GXYLT1: variants seen among roughly 807,000 people sequenced by gnomAD.
GXYLT1 encodes the protein glycosyltransferase 8 domain containing 3.
In GXYLT1, 29 loss-of-function variants were observed where a neutral mutation model predicts 54.0. That is an observed-to-expected ratio of 0.54 (90% confidence interval 0.40 to 0.73). GXYLT1 has a LOEUF of 0.73. GXYLT1 is among the 30% of genes least tolerant of loss of function. The pLI is 0.00. For missense variants in GXYLT1, 490 were observed against 553.4 expected (o/e 0.89, Z 1.15); for synonymous variants, 176 against 204.1 (o/e 0.86, Z 1.17).
chr12:42,123,801 G>C (rs1029630625), intron 2 of GXYLT1, among the ~76,000 whole-genome samples: 1 of 151,618 alleles, frequency 6.6e-6, no homozygotes, highest in Non-Finnish European at 1.5e-5. Context: ...AACTAAAAAA[G>C]AACTGCCATG....
At chr12:42,114,577 C>T (rs1034232396) in intron 3 of GXYLT1, among the ~76,000 whole-genome samples, 3 of 152,030 alleles carry the variant, frequency 2.0e-5, no homozygotes, top group Non-Finnish European at 4.4e-5. Flanking sequence ...AAGACTAAAC[C>T]AGGAAGAAGT....
chr12:42,097,182 T>C (rs543332740), intron 7 of GXYLT1, among the ~76,000 whole-genome samples: 13 of 151,854 alleles, frequency 8.6e-5, no homozygotes, highest in African/African-American at 2.7e-4. Flanking sequence ...AAAAAAAAAC[T>C]GAAGTTTTTA....
At chr12:42,113,110 C>A (rs1006957603) in intron 3 of GXYLT1, among the ~76,000 whole-genome samples, 1 of 151,026 alleles carries the variant, frequency 6.6e-6, no homozygotes, top group South Asian at 2.1e-4. Context: ...CAGGCCTGCC[C>A]TAAAAGAGCT....
chr12:42,109,781 A>C (rs776986687), intron 3 of GXYLT1, 90 bp from the exon 4 acceptor site: 30 of 800,552 alleles, frequency 3.7e-5, no homozygotes, highest in Non-Finnish European at 5.5e-5. Flanking sequence ...AAAAGAGCTA[A>C]AAATTAAGAT....
rs553587762 is a variant in GXYLT1 at position 42,113,113 on chromosome 12, A to T, written c.487-3422T>A. Among the ~76,000 whole-genome samples the T allele has an allele frequency of 1.2e-4, 18 of 151,278 alleles. 1 individual carries two copies. The South Asian group carries it at 2.5e-3, about 21-fold the overall frequency. ...TTTTGTCACCACCAGGCCTGCCCTA[A>T]AAGAGCTCCTGAAGGAAGCACTAAA... On this transcript the variant is annotated intron_variant, in intron 3 of 7. Coordinates refer to ENST00000398675, the MANE Select transcript of GXYLT1 (RefSeq NM_173601.2).
intron 1 of GXYLT1, 26 bp downstream of exon 1, chr12:42,144,400 T>C: frequency 1.5e-6 from 2 of 1,323,754 alleles, no homozygotes; most frequent in South Asian, 1.6e-5. Context: ...GCCCGCCGCG[T>C]CCCCCACACC....
intron 7 of GXYLT1, among the ~76,000 whole-genome samples, chr12:42,089,167 C>T (rs2065314695): frequency 6.6e-6 from 1 of 151,778 alleles, no homozygotes; most frequent in Non-Finnish European, 1.5e-5. Context: ...GGAAACTTAG[C>T]CAGGAACAAT....
intron 1 of GXYLT1, among the ~76,000 whole-genome samples, chr12:42,132,690 G>C (rs1351543306): frequency 6.6e-6 from 1 of 152,086 alleles, no homozygotes; most frequent in African/African-American, 2.4e-5. Flanking sequence ...CAAACTCCCT[G>C]TTCTCAGGAA....
chr12:42,105,746 A>G (rs2065415482), intron 5 of GXYLT1, 72 bp downstream of exon 5: 2 of 1,172,480 alleles, frequency 1.7e-6, no homozygotes, highest in Non-Finnish European at 2.4e-6. Flanking sequence ...TTTTAATAAA[A>G]TTTAGTTTTA....
intron 4 of GXYLT1, among the ~76,000 whole-genome samples, chr12:42,107,839 T>C (rs1204819317): frequency 3.9e-5 from 6 of 152,220 alleles, no homozygotes; most frequent in African/African-American, 1.4e-4. Context: ...CTTAGCAGAG[T>C]AGGAAGAAGC....
At chr12:42,133,924 C>T (rs1451539175) in intron 1 of GXYLT1, among the ~76,000 whole-genome samples, 1 of 152,082 alleles carries the variant, frequency 6.6e-6, no homozygotes, top group Non-Finnish European at 1.5e-5. Flanking sequence ...TGGCCGGGCA[C>T]AGTGGCTCAC....
chr12:42,090,492 C>G (rs2065323378), intron 7 of GXYLT1, among the ~76,000 whole-genome samples: 1 of 152,228 alleles, frequency 6.6e-6, no homozygotes, highest in African/African-American at 2.4e-5. Flanking sequence ...AGAAGCCTTT[C>G]CATGTACAGT....
At chr12:42,138,417 T>C (rs1391608227) in intron 1 of GXYLT1, among the ~76,000 whole-genome samples, 1 of 152,236 alleles carries the variant, frequency 6.6e-6, no homozygotes, top group Non-Finnish European at 1.5e-5. Context: ...GGACTGCTTA[T>C]ATATAAATGA....
In GXYLT1 at chr12:42,096,333, CT is replaced by C. The variant is rs1951357675; in HGVS notation, c.1161+1108del. 2.6e-5 allele frequency among the ~76,000 whole-genome samples: 4 copies of C among 151,912 alleles called. No homozygotes were observed. The South Asian group carries it at 8.3e-4, about 32-fold the overall frequency. ...AGGGCAGGGAAAGTATAAAATAAAC[CT>C]GGAATATTTTGTTGGAACAGAAAAT... On this transcript the variant is annotated intron_variant, in intron 7 of 7. Transcript: ENST00000398675.
intron 5 of GXYLT1, among the ~76,000 whole-genome samples, chr12:42,104,284 C>T (rs1183100723): frequency 2.0e-5 from 3 of 150,232 alleles, no homozygotes; most frequent in Non-Finnish European, 4.4e-5. Flanking sequence ...AATCTTACAG[C>T]ACCATCTTCT....
intron 4 of GXYLT1, among the ~76,000 whole-genome samples, chr12:42,106,999 G>A (rs370307968): frequency 2.0e-5 from 3 of 151,652 alleles, no homozygotes; most frequent in South Asian, 2.1e-4. Context: ...CACCCATCTC[G>A]GCCTCCCCAA....
chr12:42,109,114 A>G (rs2065437203), intron 4 of GXYLT1, among the ~76,000 whole-genome samples: 1 of 152,202 alleles, frequency 6.6e-6, no homozygotes, highest in Non-Finnish European at 1.5e-5. Context: ...CTGTTTAAGT[A>G]TCAGTTACAA....
Position 42,111,300 on chromosome 12 carries a change from C to T in GXYLT1, c.487-1609G>A, listed in dbSNP as rs1011470562. Among the ~76,000 whole-genome samples, 8 of 152,240 alleles carry T rather than the reference C, an allele frequency of 5.3e-5. No homozygotes were observed. The South Asian group carries it at 8.3e-4, about 16-fold the overall frequency. ...AGTAGGTGCAGGACAGTGGCTGCAG[C>T]GCACCGTGCGCGAGCCGAACCGGGG... is the stretch of plus-strand genomic sequence containing the variant. On this transcript the variant is annotated intron_variant, in intron 3 of 7. Coordinates refer to ENST00000398675, the MANE Select transcript of GXYLT1 (RefSeq NM_173601.2).
chr12:42,118,951 A>G, intron 3 of GXYLT1, 49 bp downstream of exon 3: 1 of 1,308,212 alleles, frequency 7.6e-7, no homozygotes, highest in Non-Finnish European at 1.1e-6. Context: ...ATTATAGTAT[A>G]TTATTAAATA....
Sources: allele counts gnomAD v4.1 joint callset (sites outside exome capture counted in the v4.1 genomes callset), GRCh38; gene constraint gnomAD v4.1.1; transcripts MANE v1.5; gene names NCBI Gene and HGNC (gene_info 2026-07-23, HGNC 2026-07-21).